The following PPP1R9A variants were observed in gnomAD, a reference collection of about 807,000 sequenced individuals.
PPP1R9A encodes protein phosphatase 1 regulatory subunit 9A.
PPP1R9A carries 59 observed loss-of-function variants against 141.9 expected under a neutral mutation model. The ratio of observed to expected loss-of-function variants is 0.42; its 90% CI spans 0.34 to 0.52. The LOEUF is 0.52. PPP1R9A is among the 20% of genes least tolerant of loss of function. PPP1R9A has a pLI of 0.10. For synonymous variants in PPP1R9A, 500 were observed against 569.7 expected, an observed-to-expected ratio of 0.88 and a Z score of 1.74; for missense variants, 1,444 against 1,611.9, an observed-to-expected ratio of 0.90 and a Z score of 1.78.
chr7:95,183,355 G>T (rs1834135263), intron 5 of PPP1R9A, among the ~76,000 whole-genome samples: 1 of 151,500 alleles, frequency 6.6e-6, no homozygotes, highest in South Asian at 2.1e-4. Context: ...TGCCAGGCTG[G>T]TCTCAAACTC....
At chr7:94,948,395 CCCCCATCACT>C (rs1265155904) in intron 2 of PPP1R9A, among the ~76,000 whole-genome samples, 1 of 151,984 alleles carries the variant, frequency 6.6e-6, no homozygotes, top group Non-Finnish European at 1.5e-5. Context: ...TTTCCCCATT[CCCCCATCACT>C]CCCATTCCTA....
At position 94,911,422 on chromosome 7, in the gene PPP1R9A, A is replaced by G; in HGVS notation, c.1309A>G (p.Met437Val). ...TGAGAACAGTTACTATCAGCCTGAT[A>G]TGGAGTACTCGGAAATTGTTGGATT... ...SDENSYYQPD[M>V]EYSEIVGLPE... Residue 437 changes from methionine to valine, a missense_variant, in exon 2 of 20, where the codon ATG (methionine) becomes GTG (valine). Coordinates refer to ENST00000433360, the MANE Select transcript of PPP1R9A (RefSeq NM_001166160.2). 2 of 1,613,974 alleles carry G rather than the reference A, an allele frequency of 1.2e-6. No homozygotes were observed. The highest frequency in any genetic ancestry group is 1.7e-6 in the Non-Finnish European group (2 of 1,179,850).
At chr7:94,921,201 C>G (rs940481218) in intron 2 of PPP1R9A, among the ~76,000 whole-genome samples, 2 of 152,054 alleles carry the variant, frequency 1.3e-5, no homozygotes, top group Non-Finnish European at 2.9e-5. Flanking sequence ...AATTCCAACA[C>G]TTTGGGAGGC....
At chr7:95,155,280 A>C (rs2152683971) in intron 4 of PPP1R9A, 1 of 144,342 alleles carries the variant, frequency 6.9e-6, no homozygotes, top group South Asian at 2.2e-4. Flanking sequence ...TTGACCTCCC[A>C]GTTTCAAGAA....
At chr7:95,277,043 G>T (rs1803339207) in intron 16 of PPP1R9A, among the ~76,000 whole-genome samples, 1 of 152,144 alleles carries the variant, frequency 6.6e-6, no homozygotes, top group Non-Finnish European at 1.5e-5. Context: ...GGGCAACTGG[G>T]AATACACTCA....
intron 2 of PPP1R9A, among the ~76,000 whole-genome samples, chr7:95,055,992 G>A (rs1333333155): frequency 6.6e-6 from 1 of 152,032 alleles, no homozygotes; most frequent in Non-Finnish European, 1.5e-5. Flanking sequence ...TTACTAACTT[G>A]TATTGTTATT....
intron 2 of PPP1R9A, among the ~76,000 whole-genome samples, chr7:94,991,008 G>A (rs1801438208): frequency 6.6e-6 from 1 of 152,058 alleles, no homozygotes; most frequent in Admixed American, 6.6e-5. Context: ...TAGTAAGTAA[G>A]TATAGGGTTG....
At chr7:94,918,222 C>T (rs1212362507) in intron 2 of PPP1R9A, among the ~76,000 whole-genome samples, 2 of 152,040 alleles carry the variant, frequency 1.3e-5, no homozygotes, top group Non-Finnish European at 2.9e-5. Flanking sequence ...TCTCCTGGTT[C>T]TCATCTCTTT....
chr7:95,083,343 C>T (rs562249149), intron 2 of PPP1R9A, among the ~76,000 whole-genome samples: 4 of 151,616 alleles, frequency 2.6e-5, no homozygotes, highest in South Asian at 4.2e-4. Context: ...TCCTTGCCCC[C>T]GGTATAGGGC....
chr7:95,005,507 G>A (rs1009589073), intron 2 of PPP1R9A, among the ~76,000 whole-genome samples: 5 of 152,010 alleles, frequency 3.3e-5, no homozygotes, highest in Admixed American at 1.3e-4. Flanking sequence ...ATTCAGAATC[G>A]CACAGATTTA....
At chr7:94,934,795 T>C (rs1189458579) in intron 2 of PPP1R9A, among the ~76,000 whole-genome samples, 4 of 151,000 alleles carry the variant, frequency 2.6e-5, no homozygotes, top group Admixed American at 1.3e-4. Flanking sequence ...TTTTATCAAA[T>C]GTGTGTGTGT....
At chr7:94,949,515 A>G (rs1796232329) in intron 2 of PPP1R9A, among the ~76,000 whole-genome samples, 1 of 152,158 alleles carries the variant, frequency 6.6e-6, no homozygotes, top group East Asian at 1.9e-4. Context: ...GCCCCCATAT[A>G]AAACAAAAAT....
intron 8 of PPP1R9A, among the ~76,000 whole-genome samples, chr7:95,238,648 CAG>C (rs1241099628): frequency 6.6e-6 from 1 of 152,146 alleles, no homozygotes; most frequent in Non-Finnish European, 1.5e-5. Context: ...TCAAGAGAGA[CAG>C]GGAATAGCTC....
At chr7:94,964,497 G>C (rs964918675) in intron 2 of PPP1R9A, among the ~76,000 whole-genome samples, 1 of 151,840 alleles carries the variant, frequency 6.6e-6, no homozygotes, top group Non-Finnish European at 1.5e-5. Context: ...ATCCCCACCC[G>C]CTGACAGGCC....
intron 18 of PPP1R9A, chr7:95,287,234 A>G: frequency 7.1e-7 from 1 of 1,406,208 alleles, no homozygotes; most frequent in Non-Finnish European, 1.0e-6. Context: ...ATACAAGAAT[A>G]TCTTCCTCTG....
intron 2 of PPP1R9A, among the ~76,000 whole-genome samples, chr7:95,072,356 TATA>T (rs1187780771): frequency 6.9e-6 from 1 of 144,490 alleles, no homozygotes; most frequent in African/African-American, 2.5e-5. Context: ...TATATTATTA[TATA>T]ATATTATTAT....
At chr7:95,140,618 T>C (rs1334825388) in intron 4 of PPP1R9A, among the ~76,000 whole-genome samples, 1 of 152,228 alleles carries the variant, frequency 6.6e-6, no homozygotes, top group Non-Finnish European at 1.5e-5. Context: ...CTTGAATTCC[T>C]GGTCCCAAGT....
In PPP1R9A at chr7:95,239,539, AAG is replaced by A. The variant is rs1188265134; in HGVS notation, c.2113-7929_2113-7928del. 5.1e-4 allele frequency among the ~76,000 whole-genome samples: 78 copies of A among 152,282 alleles called. 2 individuals carry two copies. The highest frequency in any genetic ancestry group is 1.9e-3 in the African/African-American group (77 of 41,580). The stretch of plus-strand genomic sequence containing the variant: ...TGTGCCATTGCACCCCAATCTTTGC[AAG>A]AGAGTGAGACCTTGTCTCAAAATAA... On this transcript the variant is annotated intron_variant, in intron 8 of 19. Transcript: ENST00000433360.
intron 5 of PPP1R9A, among the ~76,000 whole-genome samples, chr7:95,183,739 G>C (rs151187122): frequency 6.6e-6 from 1 of 151,942 alleles, no homozygotes; most frequent in African/African-American, 2.4e-5. Context: ...GAGCCACAGC[G>C]CCCAGCCAAA....
Sources: allele counts gnomAD v4.1 joint callset (sites outside exome capture counted in the v4.1 genomes callset), GRCh38; gene constraint gnomAD v4.1.1; transcripts MANE v1.5; gene names NCBI Gene and HGNC (gene_info 2026-07-23, HGNC 2026-07-21).